The following PTPRD variants were observed in gnomAD, a reference collection of about 807,000 sequenced individuals.
PTPRD encodes the protein protein tyrosine phosphatase receptor type D, also known as receptor-type tyrosine-protein phosphatase delta.
Under a neutral mutation model 214.5 loss-of-function variants are expected in PTPRD, and 34 were observed. The observed-to-expected ratio is 0.16, with a 90% CI of 0.12 to 0.21. The LOEUF (loss-of-function observed/expected upper bound fraction) is 0.21. PTPRD is among the 10% of genes least tolerant of loss of function. The pLI is 1.00. For synonymous variants in PTPRD, 1,128 were observed against 845.7 expected, an observed-to-expected ratio of 1.33 and a Z score of -5.79; for missense variants, 2,545 against 2,398.7, an observed-to-expected ratio of 1.06 and a Z score of -1.27.
Position 9,862,658 on chromosome 9 carries a change from G to T in PTPRD, c.-368+75849C>A, listed in dbSNP as rs2063029960. The stretch of plus-strand genomic sequence containing the variant: ...TGTATGTAGAAATACTTGTTGTGGT[G>T]TGTTGAGCTGAGCTCCCCAAGTTCT... On this transcript the variant is annotated intron_variant, in intron 5 of 45. Coordinates refer to ENST00000381196, the MANE Select transcript of PTPRD (RefSeq NM_002839.4). Among the ~76,000 whole-genome samples, 4 of 142,450 alleles carry T rather than the reference G, an allele frequency of 2.8e-5. No homozygotes were observed. In the Admixed American group the frequency reaches 3.0e-4, roughly 11 times the overall value. 93.5% of individuals were successfully genotyped at this position (142,450 alleles called of 152,430 possible).
At chr9:9,286,227 T>G (rs1231592967) in intron 9 of PTPRD, among the ~76,000 whole-genome samples, 1 of 151,856 alleles carries the variant, frequency 6.6e-6, no homozygotes, top group Non-Finnish European at 1.5e-5. Context: ...TCTCCATTGC[T>G]ACTGACTTAC....
chr9:10,148,194 T>C (rs1219239621), intron 3 of PTPRD, among the ~76,000 whole-genome samples: 2 of 152,220 alleles, frequency 1.3e-5, no homozygotes, highest in Admixed American at 6.5e-5. Flanking sequence ...TTCTTGCTTC[T>C]GTACTTCTAA....
At chr9:8,667,339 CTAAA>C (rs879448662) in intron 12 of PTPRD, among the ~76,000 whole-genome samples, 1 of 152,086 alleles carries the variant, frequency 6.6e-6, no homozygotes, top group African/African-American at 2.4e-5. Context: ...AACGTCGTCT[CTAAA>C]TAAATAAATA....
intron 4 of PTPRD, among the ~76,000 whole-genome samples, chr9:9,945,096 C>G (rs965393541): frequency 2.0e-5 from 3 of 152,034 alleles, no homozygotes; most frequent in African/African-American, 4.8e-5. Flanking sequence ...TAAAGTATAA[C>G]TGTATAGTTT....
chr9:10,382,480 T>C (rs1235109094), intron 2 of PTPRD, among the ~76,000 whole-genome samples: 1 of 151,930 alleles, frequency 6.6e-6, no homozygotes, highest in East Asian at 1.9e-4. Flanking sequence ...ACCTCGTCTA[T>C]GAAGAATTAT....
intron 7 of PTPRD, among the ~76,000 whole-genome samples, chr9:9,659,992 G>T (rs923398796): frequency 1.3e-5 from 2 of 151,852 alleles, no homozygotes; most frequent in African/African-American, 4.8e-5. Flanking sequence ...AATTTCCCTT[G>T]TATAATACAT....
At position 8,331,478 on chromosome 9, in the gene PTPRD, C is replaced by A. The variant is rs915498488; in HGVS notation, c.5534+104G>T. 18 of 1,329,076 alleles carry A rather than the reference C, an allele frequency of 1.4e-5. No homozygotes were observed. The Admixed American group carries it at 3.5e-4, about 26-fold the overall frequency. The allele number at this position is 1,329,076 out of a possible 1,614,324, so 82.3% of individuals were successfully genotyped here. A position where few individuals can be genotyped will look rare whatever the true frequency, so the allele number is the denominator to read the frequency against. ...CTGCTTTAAGTTTTGTAATACATTGCCAAGAATAAAATTTCAAATAAGCAA... is the reference window on the plus strand; with the variant it reads ...CTGCTTTAAGTTTTGTAATACATTGACAAGAATAAAATTTCAAATAAGCAA... On this transcript the variant is annotated intron_variant, in intron 44 of 45. Coordinates refer to ENST00000381196, the MANE Select transcript of PTPRD (RefSeq NM_002839.4).
chr9:10,348,908 T>C (rs7040846), intron 2 of PTPRD, among the ~76,000 whole-genome samples: 58,851 of 151,438 alleles, frequency 0.39, 11,788 homozygotes, highest in Admixed American at 0.51. Context: ...ACTCCTTGTG[T>C]GCCCCAAGAT....
chr9:8,663,783 G>T (rs974028309), intron 12 of PTPRD, among the ~76,000 whole-genome samples: 4 of 151,780 alleles, frequency 2.6e-5, no homozygotes, highest in Non-Finnish European at 5.9e-5. Flanking sequence ...GAGCCACTGT[G>T]CCCAGCCTTT....
chr9:9,904,844 G>A (rs933230016), intron 5 of PTPRD, among the ~76,000 whole-genome samples: 4 of 152,002 alleles, frequency 2.6e-5, no homozygotes, highest in East Asian at 3.8e-4. Flanking sequence ...CAGAGAAATC[G>A]TAGGTGGGCA....
chr9:8,489,719 T>C (rs180972223), intron 27 of PTPRD, among the ~76,000 whole-genome samples: 4 of 152,140 alleles, frequency 2.6e-5, no homozygotes, highest in Non-Finnish European at 5.9e-5. Flanking sequence ...CAGGATAGGA[T>C]AAAAAAGGGA....
intron 3 of PTPRD, among the ~76,000 whole-genome samples, chr9:10,274,631 T>G (rs1595895707): frequency 6.6e-6 from 1 of 152,330 alleles, no homozygotes; most frequent in South Asian, 2.1e-4. Context: ...CTTTAGATAT[T>G]GCTCATAGTT....
chr9:8,417,823 C>A (rs2131390348), intron 35 of PTPRD, among the ~76,000 whole-genome samples: 1 of 152,178 alleles, frequency 6.6e-6, no homozygotes, highest in South Asian at 2.1e-4. Context: ...TAGCTTGTGT[C>A]CAAAGAAAAA....
At chr9:9,751,193 C>T (rs1009550215) in intron 6 of PTPRD, among the ~76,000 whole-genome samples, 8 of 152,018 alleles carry the variant, frequency 5.3e-5, no homozygotes, top group Non-Finnish European at 7.4e-5. Flanking sequence ...AATATTTTTA[C>T]AAGAGTATCC....
At chr9:9,707,739 G>C (rs751707358) in intron 7 of PTPRD, among the ~76,000 whole-genome samples, 1 of 151,942 alleles carries the variant, frequency 6.6e-6, no homozygotes, top group African/African-American at 2.4e-5. Flanking sequence ...CATCATGTAC[G>C]TTTATCTTAT....
intron 2 of PTPRD, among the ~76,000 whole-genome samples, chr9:10,415,428 T>A (rs965234507): frequency 3.3e-5 from 5 of 151,928 alleles, no homozygotes; most frequent in African/African-American, 1.2e-4. Flanking sequence ...TGGACTCTTT[T>A]ATATTTGCCA....
intron 3 of PTPRD, among the ~76,000 whole-genome samples, chr9:10,079,048 C>G (rs2098186012): frequency 6.6e-6 from 1 of 151,878 alleles, no homozygotes; most frequent in African/African-American, 2.4e-5. Flanking sequence ...ACATAACTTT[C>G]AGATCTTTGT....
chr9:8,916,779 A>C (rs2154265746), intron 11 of PTPRD, among the ~76,000 whole-genome samples: 1 of 152,290 alleles, frequency 6.6e-6, no homozygotes, highest in Middle Eastern at 3.4e-3. Flanking sequence ...ATGACTTTAC[A>C]TTTTTTGTTT....
intron 11 of PTPRD, among the ~76,000 whole-genome samples, chr9:8,894,454 C>T (rs2098586799): frequency 6.7e-6 from 1 of 149,434 alleles, no homozygotes; most frequent in African/African-American, 2.5e-5. Context: ...CTGACAAATA[C>T]ATATTGCATG....
Sources: gnomAD v4.1 joint callset for allele counts (sites outside exome capture counted in the v4.1 genomes callset) on GRCh38, gnomAD v4.1.1 for gene constraint, MANE v1.5 for transcripts, NCBI Gene and HGNC (gene_info 2026-07-23, HGNC 2026-07-21) for gene names.